SCFD2: variants seen among roughly 807,000 people sequenced by gnomAD.
The protein encoded by SCFD2 is sec1 family domain containing 2, also known as sec1 family domain-containing protein 2.
A neutral mutation model predicts 58.9 loss-of-function variants in SCFD2; 54 were observed. The ratio of observed to expected loss-of-function variants is 0.92; its 90% CI spans 0.74 to 1.15. The LOEUF (loss-of-function observed/expected upper bound fraction) is 1.15. Ranked by LOEUF, SCFD2 falls within the 50% of genes most tolerant of loss-of-function variation. The probability of loss-of-function intolerance (pLI) is 0.00; values close to 1 mark genes in which losing one functional copy is unlikely to be tolerated. For synonymous variants in SCFD2, 321 were observed against 335.9 expected, an observed-to-expected ratio of 0.96 and a Z score of 0.49; for missense variants, 805 against 836.6, an observed-to-expected ratio of 0.96 and a Z score of 0.47.
intron 2 of SCFD2, among the ~76,000 whole-genome samples, chr4:53,332,132 G>C (rs910714426): frequency 2.0e-5 from 3 of 151,248 alleles, no homozygotes; most frequent in Non-Finnish European, 3.0e-5. Context: ...AAGAGTCCAG[G>C]ACCAGACGGA....
chr4:52,937,295 G>A (rs1341274584), intron 5 of SCFD2, among the ~76,000 whole-genome samples: 1 of 152,184 alleles, frequency 6.6e-6, no homozygotes, highest in African/African-American at 2.4e-5. Flanking sequence ...TGCAGAACAG[G>A]TGAGAGAGGC....
intron 4 of SCFD2, among the ~76,000 whole-genome samples, chr4:53,243,965 A>G (rs1729982402): frequency 6.6e-6 from 1 of 152,202 alleles, no homozygotes; most frequent in Admixed American, 6.5e-5. Flanking sequence ...TTAAACCAAC[A>G]AAGATCAAAA....
At chr4:52,907,969 G>C (rs1719387892) in intron 6 of SCFD2, among the ~76,000 whole-genome samples, 1 of 152,166 alleles carries the variant, frequency 6.6e-6, no homozygotes. Context: ...ATGGTCTCCA[G>C]TTTTTCCTGA....
chr4:53,332,849 C>A (rs1733536968), intron 2 of SCFD2, among the ~76,000 whole-genome samples: 1 of 150,058 alleles, frequency 6.7e-6, no homozygotes, highest in Admixed American at 6.7e-5. Context: ...CTAGAAAACC[C>A]CATTGTCTCA....
chr4:53,283,134 T>C (rs919019064), intron 3 of SCFD2, among the ~76,000 whole-genome samples: 6 of 152,254 alleles, frequency 3.9e-5, no homozygotes, highest in African/African-American at 1.2e-4. Context: ...GTATAAAACA[T>C]GTCAAGCACT....
At chr4:53,114,083 A>G (rs1302581733) in intron 5 of SCFD2, among the ~76,000 whole-genome samples, 1 of 152,118 alleles carries the variant, frequency 6.6e-6, no homozygotes, top group Non-Finnish European at 1.5e-5. Flanking sequence ...CAAATTACTT[A>G]AACTTTCGTT....
At chr4:53,257,179 A>G (rs1166737832) in intron 4 of SCFD2, among the ~76,000 whole-genome samples, 1 of 152,106 alleles carries the variant, frequency 6.6e-6, no homozygotes, top group Non-Finnish European at 1.5e-5. Flanking sequence ...AGGTGGTAGA[A>G]TGTGAGGTCT....
chr4:53,154,666 T>A (rs1419970093), intron 4 of SCFD2, among the ~76,000 whole-genome samples: 1 of 152,212 alleles, frequency 6.6e-6, no homozygotes, highest in Non-Finnish European at 1.5e-5. Flanking sequence ...GGAGCCCACA[T>A]CCTAGTCCCT....
At chr4:53,277,539 TAC>T (rs1369642530) in intron 3 of SCFD2, among the ~76,000 whole-genome samples, 14 of 152,322 alleles carry the variant, frequency 9.2e-5, no homozygotes, top group Admixed American at 4.6e-4. Context: ...TGAAAGGCTC[TAC>T]ATGATATGAA....
At chr4:53,339,493 G>A (rs145667063) in intron 2 of SCFD2, among the ~76,000 whole-genome samples, 25 of 152,180 alleles carry the variant, frequency 1.6e-4, no homozygotes, top group Admixed American at 1.1e-3. Context: ...GTTAGGGCTC[G>A]GAGTGGTGGC....
chr4:53,181,059 G>A (rs184931550), intron 4 of SCFD2, among the ~76,000 whole-genome samples: 12 of 152,218 alleles, frequency 7.9e-5, no homozygotes, highest in Admixed American at 5.2e-4. Flanking sequence ...ATTCACAGCC[G>A]AATTCCACCA....
chr4:53,316,995 T>A (rs1039932537), intron 2 of SCFD2, among the ~76,000 whole-genome samples: 2 of 151,616 alleles, frequency 1.3e-5, no homozygotes, highest in Non-Finnish European at 2.9e-5. Context: ...TAATCCCAGC[T>A]ACTCAGGAGG....
At chr4:53,097,927 G>T (rs578114777) in intron 5 of SCFD2, among the ~76,000 whole-genome samples, 1 of 152,238 alleles carries the variant, frequency 6.6e-6, no homozygotes, top group Admixed American at 6.5e-5. Flanking sequence ...TAGCATGAAG[G>T]GCTGTTGAAT....
intron 5 of SCFD2, among the ~76,000 whole-genome samples, chr4:53,116,105 A>G (rs1391604339): frequency 6.6e-6 from 1 of 152,206 alleles, no homozygotes; most frequent in African/African-American, 2.4e-5. Context: ...AGCTATTCAG[A>G]GTTAATACTA....
intron 2 of SCFD2, among the ~76,000 whole-genome samples, chr4:53,339,540 C>T (rs542629342): frequency 1.5e-4 from 23 of 152,168 alleles, no homozygotes; most frequent in Admixed American, 2.6e-4. Flanking sequence ...GAGGCCGAGG[C>T]GGGCAGATCA....
chr4:52,890,661 C>T (rs1414089715), intron 7 of SCFD2, among the ~76,000 whole-genome samples: 1 of 152,166 alleles, frequency 6.6e-6, no homozygotes, highest in African/African-American at 2.4e-5. Context: ...GTCCGAGTCA[C>T]TGTTCTTTCT....
chr4:53,317,032 G>A (rs1430001683), intron 2 of SCFD2, among the ~76,000 whole-genome samples: 4 of 151,698 alleles, frequency 2.6e-5, no homozygotes, highest in East Asian at 1.9e-4. Flanking sequence ...GTTTGAACCC[G>A]GGAGGTAGAG....
At chr4:53,168,501 G>C (rs1231682992) in intron 4 of SCFD2, among the ~76,000 whole-genome samples, 1 of 151,878 alleles carries the variant, frequency 6.6e-6, no homozygotes, top group Non-Finnish European at 1.5e-5. Context: ...CTTCAATAGT[G>C]GAATTATTAA....
intron 4 of SCFD2, among the ~76,000 whole-genome samples, chr4:53,183,621 G>T (rs1341497397): frequency 2.0e-5 from 3 of 151,474 alleles, no homozygotes; most frequent in Non-Finnish European, 4.4e-5. Context: ...CCTGCACGTT[G>T]TGCACATGTA....
Sources: gnomAD v4.1 joint callset for allele counts (sites outside exome capture counted in the v4.1 genomes callset) on GRCh38, gnomAD v4.1.1 for gene constraint, MANE v1.5 for transcripts, NCBI Gene and HGNC (gene_info 2026-07-23, HGNC 2026-07-21) for gene names.